ABCG2: variants seen among roughly 807,000 people sequenced by gnomAD.
The protein encoded by ABCG2 is ATP binding cassette subfamily G member 2 (JR blood group).
Under a neutral mutation model 73.5 loss-of-function variants are expected in ABCG2, and 80 were observed. That is an observed-to-expected ratio of 1.09 (90% CI 0.91 to 1.31). The LOEUF (loss-of-function observed/expected upper bound fraction) is 1.31. ABCG2 is among the 50% of genes most tolerant of loss of function. The pLI is 0.00. For missense variants in ABCG2, 796 were observed against 786.2 expected (o/e 1.01, Z -0.15); for synonymous variants, 269 against 282.4 (o/e 0.95, Z 0.48).
intron 1 of ABCG2, among the ~76,000 whole-genome samples, chr4:88,230,308 T>TATATATATATATA (rs746680651): frequency 0.023 from 2,249 of 96,114 alleles, 299 homozygotes; most frequent in African/African-American, 0.057. Flanking sequence ...TATATATATA[T>TATATATATATATA]TTTTTTTTTT....
chr4:88,222,839 C>T (rs1176928399), intron 1 of ABCG2, among the ~76,000 whole-genome samples: 2 of 152,188 alleles, frequency 1.3e-5, no homozygotes, highest in African/African-American at 2.4e-5. Flanking sequence ...ACACTCAACA[C>T]CAGCCACGAA....
At chr4:88,171,884 C>T (rs66704028) in intron 1 of ABCG2, among the ~76,000 whole-genome samples, 42,401 of 151,720 alleles carry the variant, frequency 0.28, 6,571 homozygotes, top group Non-Finnish European at 0.35. Context: ...CTCAGAAGGT[C>T]GAAGCAGGAG....
At chr4:88,154,862 T>G (rs967416042) in intron 1 of ABCG2, among the ~76,000 whole-genome samples, 5 of 152,042 alleles carry the variant, frequency 3.3e-5, no homozygotes, top group African/African-American at 1.2e-4. Flanking sequence ...GAGTTGAGCA[T>G]AGTTTGTGAT....
chr4:88,194,412 T>C (rs1728845483), intron 1 of ABCG2, among the ~76,000 whole-genome samples: 1 of 151,692 alleles, frequency 6.6e-6, no homozygotes, highest in South Asian at 2.1e-4. Context: ...TAGCAGGGCA[T>C]GGTGGCAGGC....
At chr4:88,142,097 C>A (rs541589247) in intron 1 of ABCG2, among the ~76,000 whole-genome samples, 57 of 151,376 alleles carry the variant, frequency 3.8e-4, no homozygotes, top group African/African-American at 1.3e-3. Context: ...GGGAAAAAAT[C>A]TCCTAATTAA....
intron 10 of ABCG2, 116 bp from the exon 11 acceptor site, chr4:88,101,435 G>T: frequency 1.1e-6 from 1 of 918,404 alleles, no homozygotes; most frequent in South Asian, 1.4e-5. Context: ...AGGAAAAAAA[G>T]GGAAACTGTT....
chr4:88,104,469 G>T (rs1021671422), intron 10 of ABCG2, among the ~76,000 whole-genome samples: 1 of 152,076 alleles, frequency 6.6e-6, no homozygotes, highest in African/African-American at 2.4e-5. Context: ...CTTTAACATA[G>T]TCCAAATGCT....
At chr4:88,125,161 G>A (rs866791718) in intron 5 of ABCG2, among the ~76,000 whole-genome samples, 3 of 151,384 alleles carry the variant, frequency 2.0e-5, no homozygotes, top group South Asian at 2.1e-4. Context: ...GCGTGGTGGC[G>A]GGCACCTGTA....
At chr4:88,172,468 A>C (rs552929712) in intron 1 of ABCG2, among the ~76,000 whole-genome samples, 1 of 151,122 alleles carries the variant, frequency 6.6e-6, no homozygotes, top group African/African-American at 2.4e-5. Flanking sequence ...ATCCCAGCTT[A>C]CTCAGGAGGC....
intron 1 of ABCG2, among the ~76,000 whole-genome samples, chr4:88,151,927 C>A (rs1340941457): frequency 6.6e-6 from 1 of 152,160 alleles, no homozygotes; most frequent in African/African-American, 2.4e-5. Flanking sequence ...GATCCTCTCT[C>A]TAATCCACGG....
chr4:88,122,891 G>C (rs781203653), intron 5 of ABCG2, among the ~76,000 whole-genome samples: 1 of 152,180 alleles, frequency 6.6e-6, no homozygotes, highest in African/African-American at 2.4e-5. Context: ...AGCAGGGGTC[G>C]ACAGACACTT....
At chr4:88,191,568 A>C (rs1409342943) in intron 1 of ABCG2, among the ~76,000 whole-genome samples, 4 of 129,364 alleles carry the variant, frequency 3.1e-5, no homozygotes, top group Non-Finnish European at 6.4e-5. Context: ...TAAAAGCTAA[A>C]CGTATGTTTA....
intron 1 of ABCG2, among the ~76,000 whole-genome samples, chr4:88,172,344 C>T (rs1727788707): frequency 6.8e-6 from 1 of 147,790 alleles, no homozygotes; most frequent in Admixed American, 6.8e-5. Context: ...ATAATCCCAG[C>T]ACTTTGGGAG....
intron 6 of ABCG2, among the ~76,000 whole-genome samples, chr4:88,119,114 G>C (rs1012902106): frequency 1.3e-5 from 2 of 152,166 alleles, no homozygotes; most frequent in African/African-American, 4.8e-5. Flanking sequence ...TACTGTTCTC[G>C]TGGTACTGAA....
intron 10 of ABCG2, among the ~76,000 whole-genome samples, chr4:88,105,168 C>T (rs754465177): frequency 6.6e-6 from 1 of 152,152 alleles, no homozygotes; most frequent in African/African-American, 2.4e-5. Context: ...ACACTCTCAT[C>T]GTAGAGTAAC....
upstream of ABCG2, among the ~76,000 whole-genome samples, chr4:88,162,975 A>C (rs1398446867): frequency 6.6e-6 from 1 of 152,214 alleles, no homozygotes; most frequent in Non-Finnish European, 1.5e-5. Flanking sequence ...GTAAGGCCCC[A>C]GTATGCTACA....
intron 9 of ABCG2, among the ~76,000 whole-genome samples, chr4:88,112,128 C>T (rs2725262): frequency 0.97 from 147,935 of 151,972 alleles, 72,133 homozygotes; most frequent in Middle Eastern, 1. Flanking sequence ...ACAAAAACCA[C>T]AAGGAGTAAT....
rs1727093846 is a variant in ABCG2 at position 88,158,374 on chromosome 4, C to T, written c.-20+12G>A. 2 of 372,098 alleles carry T rather than the reference C, an allele frequency of 5.4e-6. No individual in the cohort carries two copies. The highest frequency in any genetic ancestry group is 1.1e-5 in the Non-Finnish European group (2 of 185,990). The allele number at this position is 372,098 out of a possible 1,614,324, so 23.0% of individuals were successfully genotyped here. The stretch of plus-strand genomic sequence containing the variant: ...CACACTCTCAGCGAAACTGGTTTTA[C>T]AATTTACTCACTCAGCTTAATAGAG... On this transcript the variant is annotated intron_variant, in intron 1 of 15. Coordinates refer to ENST00000237612, the MANE Select transcript of ABCG2 (RefSeq NM_004827.3).
At chr4:88,230,292 T>A (rs62308058) in intron 1 of ABCG2, among the ~76,000 whole-genome samples, 5,464 of 14,308 alleles carry the variant, frequency 0.38, 299 homozygotes, top group East Asian at 0.54. Flanking sequence ...CCGCACCTGT[T>A]ATATATATAT....
Sources: allele counts gnomAD v4.1 joint callset (sites outside exome capture counted in the v4.1 genomes callset), GRCh38; gene constraint gnomAD v4.1.1; transcripts MANE v1.5; gene names NCBI Gene and HGNC (gene_info 2026-07-23, HGNC 2026-07-21).